Variants in MTUS2 observed in about 807,000 individuals in gnomAD.
The protein encoded by MTUS2 is microtubule-associated tumor suppressor candidate 2.
Under a neutral mutation model 114.1 loss-of-function variants are expected in MTUS2, and 40 were observed. The ratio of observed to expected loss-of-function variants is 0.35; its 90% CI spans 0.27 to 0.46. MTUS2 has a LOEUF of 0.46. MTUS2 is among the 20% of genes least tolerant of loss of function. MTUS2 has a pLI of 1.00. For missense variants in MTUS2, 1,679 were observed against 1,705.4 expected, an observed-to-expected ratio of 0.98 and a Z score of 0.27; for synonymous variants, 688 against 672.0, an observed-to-expected ratio of 1.02 and a Z score of -0.37.
At chr13:29,001,529 G>C (rs1337268001) in intron 2 of MTUS2, among the ~76,000 whole-genome samples, 1 of 152,226 alleles carries the variant, frequency 6.6e-6, no homozygotes, top group Non-Finnish European at 1.5e-5. Flanking sequence ...AACGCAGGCA[G>C]ATATGGGTAG....
chr13:29,170,690 A>G (rs1398937378), intron 5 of MTUS2, among the ~76,000 whole-genome samples: 1 of 152,182 alleles, frequency 6.6e-6, no homozygotes, highest in Non-Finnish European at 1.5e-5. Flanking sequence ...TCAAGTACAC[A>G]TGTGCCTAAA....
intron 5 of MTUS2, among the ~76,000 whole-genome samples, chr13:29,231,816 G>A (rs1025902392): frequency 4.6e-5 from 7 of 152,130 alleles, no homozygotes; most frequent in East Asian, 1.9e-4. Context: ...AAATGTCATC[G>A]TATGCTGTAT....
At chr13:28,894,005 G>T (rs1879081799) in intron 2 of MTUS2, among the ~76,000 whole-genome samples, 1 of 152,004 alleles carries the variant, frequency 6.6e-6, no homozygotes, top group African/African-American at 2.4e-5. Flanking sequence ...GAGTGAGTTT[G>T]TTGTTGAGAA....
chr13:29,457,133 A>T (rs917148225), intron 9 of MTUS2, among the ~76,000 whole-genome samples: 21 of 145,584 alleles, frequency 1.4e-4, no homozygotes, highest in African/African-American at 5.2e-4. Context: ...CGACAGCGAG[A>T]CTCCATTCAA....
At chr13:28,941,886 G>A (rs1882260609) in intron 2 of MTUS2, among the ~76,000 whole-genome samples, 1 of 152,044 alleles carries the variant, frequency 6.6e-6, no homozygotes, top group Non-Finnish European at 1.5e-5. Context: ...ACTATGCATT[G>A]GTCATTTGGA....
At chr13:29,126,049 A>T (rs554431421) in intron 5 of MTUS2, among the ~76,000 whole-genome samples, 22 of 152,330 alleles carry the variant, frequency 1.4e-4, no homozygotes, top group African/African-American at 5.1e-4. Context: ...TCTTTAACAG[A>T]CTATCTGGAG....
In MTUS2 at chr13:28,893,585, C is replaced by G. The variant is rs368608209; in HGVS notation, c.-243+53735C>G. 1.1e-4 allele frequency among the ~76,000 whole-genome samples: 16 copies of G among 152,228 alleles called. No homozygotes were observed. In the South Asian group the frequency reaches 2.3e-3, roughly 22 times the overall value. On this transcript the variant is annotated intron_variant, in intron 2 of 15. Transcript: ENST00000612955. ...GGGATTGGAATGTCTAGTAATTATC[C>G]TAAGGTTTCATCATGAGTAATTCTG...
intron 5 of MTUS2, among the ~76,000 whole-genome samples, chr13:29,272,998 A>G (rs1897934678): frequency 6.6e-6 from 1 of 152,178 alleles, no homozygotes; most frequent in African/African-American, 2.4e-5. Flanking sequence ...AGGAAGGTCC[A>G]GGTGCCAAAG....
chr13:28,902,504 T>A (rs1166735389), intron 2 of MTUS2, among the ~76,000 whole-genome samples: 2 of 152,134 alleles, frequency 1.3e-5, no homozygotes, highest in Non-Finnish European at 2.9e-5. Context: ...AGGAAGTTCC[T>A]CTTTACTCCT....
At chr13:29,389,657 A>ATG (rs1873099857) in intron 8 of MTUS2, among the ~76,000 whole-genome samples, 2 of 145,230 alleles carry the variant, frequency 1.4e-5, no homozygotes, top group Admixed American at 1.4e-4. Flanking sequence ...ATATACGTAT[A>ATG]TATGTATATG....
chr13:29,098,479 T>TTC (rs141445859), intron 4 of MTUS2, among the ~76,000 whole-genome samples: 7 of 150,772 alleles, frequency 4.6e-5, no homozygotes, highest in Admixed American at 6.6e-5. Context: ...TGTGCGTGCA[T>TTC]GCACACACAC....
At chr13:28,855,858 C>T (rs139917636) in intron 2 of MTUS2, among the ~76,000 whole-genome samples, 110 of 152,286 alleles carry the variant, frequency 7.2e-4, no homozygotes, top group African/African-American at 2.6e-3. Context: ...TCCTGTCTTC[C>T]ACAATAGTTG....
intron 5 of MTUS2, among the ~76,000 whole-genome samples, chr13:29,263,731 T>C (rs891013593): frequency 3.3e-5 from 5 of 150,022 alleles, no homozygotes; most frequent in African/African-American, 1.3e-4. Flanking sequence ...TCATGAGAAC[T>C]CACTCACTCA....
At chr13:29,502,862 C>T in intron 15 of MTUS2, 131 bp from the exon 16 acceptor site, 1 of 849,434 alleles carries the variant, frequency 1.2e-6, no homozygotes, top group Non-Finnish European at 1.9e-6. Context: ...TTCTTGGTCA[C>T]TGGGTCACCC....
intron 2 of MTUS2, among the ~76,000 whole-genome samples, chr13:28,883,505 G>C (rs919242732): frequency 1.3e-5 from 2 of 152,166 alleles, no homozygotes; most frequent in African/African-American, 2.4e-5. Flanking sequence ...CAACTTGGAT[G>C]GATCTCCAGG....
intron 9 of MTUS2, among the ~76,000 whole-genome samples, chr13:29,452,217 T>C (rs931148309): frequency 6.6e-6 from 1 of 152,182 alleles, no homozygotes; most frequent in African/African-American, 2.4e-5. Context: ...TCAGCTACAA[T>C]TTCACAAAAC....
At chr13:29,058,968 T>C (rs775090893) in intron 4 of MTUS2, among the ~76,000 whole-genome samples, 1 of 152,194 alleles carries the variant, frequency 6.6e-6, no homozygotes, top group Non-Finnish European at 1.5e-5. Context: ...TATATTGATT[T>C]ATTGTATTCT....
At chr13:29,301,320 T>A (rs1899196415) in intron 6 of MTUS2, among the ~76,000 whole-genome samples, 1 of 152,146 alleles carries the variant, frequency 6.6e-6, no homozygotes, top group African/African-American at 2.4e-5. Context: ...ACAGCTGCTG[T>A]GGCCCAGAGT....
intron 2 of MTUS2, among the ~76,000 whole-genome samples, chr13:28,869,291 C>T (rs1407278711): frequency 6.6e-6 from 1 of 152,164 alleles, no homozygotes; most frequent in African/African-American, 2.4e-5. Flanking sequence ...CTAGATAACT[C>T]ATTGTTCAAA....
Sources: gnomAD v4.1 joint callset for allele counts (sites outside exome capture counted in the v4.1 genomes callset) on GRCh38, gnomAD v4.1.1 for gene constraint, MANE v1.5 for transcripts, NCBI Gene and HGNC (gene_info 2026-07-23, HGNC 2026-07-21) for gene names.